Variants in KCNAB1 observed in about 807,000 individuals in gnomAD.
The protein encoded by KCNAB1 is voltage-gated potassium channel subunit beta-1.
KCNAB1 carries 35 observed loss-of-function variants against 64.6 expected under a neutral mutation model. That is an observed-to-expected ratio of 0.54 (90% confidence interval 0.41 to 0.72). The LOEUF is 0.72. Among genes scored for constraint, KCNAB1 ranks in the 30% least tolerant of loss-of-function variants. The probability of loss-of-function intolerance (pLI) is 0.00; values close to 1 mark genes in which losing one functional copy is unlikely to be tolerated. For synonymous variants in KCNAB1, 177 were observed against 183.8 expected, an observed-to-expected ratio of 0.96 and a Z score of 0.30; for missense variants, 401 against 512.9, an observed-to-expected ratio of 0.78 and a Z score of 2.11.
chr3:156,194,961 G>A (rs1961022), intron 1 of KCNAB1, among the ~76,000 whole-genome samples: 2 of 152,064 alleles, frequency 1.3e-5, no homozygotes, highest in East Asian at 3.9e-4. Flanking sequence ...ACAGGCCCGG[G>A]TATGTGATGT....
intron 1 of KCNAB1, chr3:156,175,916 G>C: frequency 1.1e-6 from 1 of 878,632 alleles, no homozygotes. Context: ...TAGTCAGGGT[G>C]GAAAGCAACT....
chr3:156,463,640 G>T, intron 5 of KCNAB1, 62 bp from the exon 6 acceptor site: 2 of 1,246,926 alleles, frequency 1.6e-6, no homozygotes, highest in South Asian at 2.7e-5. Flanking sequence ...ATAATAATAT[G>T]ACTCGGTACA....
At chr3:156,490,873 T>C (rs1334166168) in intron 8 of KCNAB1, among the ~76,000 whole-genome samples, 3 of 151,874 alleles carry the variant, frequency 2.0e-5, no homozygotes, top group Non-Finnish European at 4.4e-5. Flanking sequence ...TGAATAGAGA[T>C]TGACGCAAAG....
In KCNAB1 at chr3:156,538,023, C is replaced by A. The variant is rs1239776559; in HGVS notation, c.*1276C>A. On this transcript the variant is annotated 3_prime_UTR_variant, in exon 14 of 14. Transcript: ENST00000490337. Reference sequence around the variant, plus strand: ...ATTAATGGGGCTTACCCTTGTTGCACTCGAAATCTGAGGTGTATCTAGCCC... The same window carrying A: ...ATTAATGGGGCTTACCCTTGTTGCAATCGAAATCTGAGGTGTATCTAGCCC... 2.0e-5 allele frequency: 3 copies of A among 152,176 alleles called. No individual in the cohort carries two copies. The South Asian group carries it at 6.2e-4, about 32-fold the overall frequency. The allele number at this position is 152,176 out of a possible 1,614,324, so 9.4% of individuals were successfully genotyped here. A position where few individuals can be genotyped will look rare whatever the true frequency, so the allele number is the denominator to read the frequency against.
intron 7 of KCNAB1, among the ~76,000 whole-genome samples, chr3:156,467,859 G>A (rs1472506178): frequency 6.6e-6 from 1 of 152,096 alleles, no homozygotes; most frequent in East Asian, 1.9e-4. Flanking sequence ...ATGCCATCCT[G>A]TTAGATGAGC....
intron 1 of KCNAB1, among the ~76,000 whole-genome samples, chr3:156,342,979 C>T (rs1724244851): frequency 6.6e-6 from 1 of 152,144 alleles, no homozygotes; most frequent in East Asian, 1.9e-4. Flanking sequence ...AGTTTACATA[C>T]ATGTTAAGGA....
At chr3:156,370,845 A>G (rs944734283) in intron 1 of KCNAB1, among the ~76,000 whole-genome samples, 30 of 152,344 alleles carry the variant, frequency 2.0e-4, no homozygotes, top group African/African-American at 7.0e-4. Context: ...CAGGCTGGGT[A>G]GGAGAACCGC....
chr3:156,247,203 C>T (rs1048656330), intron 1 of KCNAB1, among the ~76,000 whole-genome samples: 1 of 152,160 alleles, frequency 6.6e-6, no homozygotes, highest in African/African-American at 2.4e-5. Context: ...GCTTAGTCTC[C>T]AGAAAGCTAG....
chr3:156,316,295 A>C (rs1049698502), intron 1 of KCNAB1, among the ~76,000 whole-genome samples: 1 of 152,242 alleles, frequency 6.6e-6, no homozygotes, highest in Non-Finnish European at 1.5e-5. Context: ...ACTGGGCTGG[A>C]AGCCTAGACT....
At chr3:156,433,014 CTT>C (rs1025460340) in intron 2 of KCNAB1, among the ~76,000 whole-genome samples, 23 of 152,296 alleles carry the variant, frequency 1.5e-4, no homozygotes, top group African/African-American at 5.5e-4. Context: ...TTTGTGAACT[CTT>C]AGACACTGCG....
chr3:156,348,120 AG>A (rs774669829), intron 1 of KCNAB1, among the ~76,000 whole-genome samples: 7 of 152,134 alleles, frequency 4.6e-5, no homozygotes, highest in Non-Finnish European at 7.4e-5. Context: ...AAACAAACCA[AG>A]GGGTTTAGAG....
At chr3:156,448,866 C>T (rs1711785096) in intron 2 of KCNAB1, among the ~76,000 whole-genome samples, 1 of 152,074 alleles carries the variant, frequency 6.6e-6, no homozygotes, top group South Asian at 2.1e-4. Context: ...TTCAATTTAA[C>T]CAACACTTAC....
intron 8 of KCNAB1, among the ~76,000 whole-genome samples, chr3:156,486,900 T>C (rs1415490813): frequency 1.3e-5 from 2 of 152,100 alleles, no homozygotes; most frequent in African/African-American, 4.8e-5. Context: ...TGTATTACCA[T>C]AGAATGAGCA....
At chr3:156,188,738 C>T (rs1013558643) in intron 1 of KCNAB1, among the ~76,000 whole-genome samples, 13 of 152,110 alleles carry the variant, frequency 8.5e-5, no homozygotes, top group East Asian at 1.9e-4. Context: ...AATGTAAAAA[C>T]GAACTTTAAT....
intron 1 of KCNAB1, among the ~76,000 whole-genome samples, chr3:156,312,765 G>A (rs1292546416): frequency 3.5e-5 from 5 of 142,014 alleles, no homozygotes; most frequent in East Asian, 2.0e-4. Flanking sequence ...ATGTGCATTC[G>A]AGTGGTCAAA....
intron 1 of KCNAB1, among the ~76,000 whole-genome samples, chr3:156,325,969 C>G (rs1722947691): frequency 6.6e-6 from 1 of 152,080 alleles, no homozygotes; most frequent in Admixed American, 6.6e-5. Context: ...CCATGGATGA[C>G]AGGAATCTTA....
chr3:156,523,998 A>G (rs769211755), intron 12 of KCNAB1, 51 bp downstream of exon 12: 43 of 1,553,054 alleles, frequency 2.8e-5, no homozygotes, highest in Non-Finnish European at 3.4e-5. Context: ...TGCTGAGATC[A>G]TAGTTTTCTA....
intron 12 of KCNAB1, among the ~76,000 whole-genome samples, chr3:156,525,558 C>T (rs1718255545): frequency 6.6e-6 from 1 of 152,294 alleles, no homozygotes; most frequent in East Asian, 1.9e-4. Flanking sequence ...CTCTGTCGCC[C>T]AGGCTGGAGT....
chr3:156,340,766 G>A (rs73873315), intron 1 of KCNAB1, among the ~76,000 whole-genome samples: 3,610 of 152,328 alleles, frequency 0.024, 65 homozygotes, highest in African/African-American at 0.059. Context: ...AGTGTGAGGA[G>A]AGGAAATGGG....
Sources: gnomAD v4.1 joint callset for allele counts (sites outside exome capture counted in the v4.1 genomes callset) on GRCh38, gnomAD v4.1.1 for gene constraint, MANE v1.5 for transcripts, NCBI Gene and HGNC (gene_info 2026-07-23, HGNC 2026-07-21) for gene names.